ABCD3: variants seen among roughly 807,000 people sequenced by gnomAD.
ABCD3 encodes the protein ATP-binding cassette sub-family D member 3.
Under a neutral mutation model 105.5 loss-of-function variants are expected in ABCD3, and 41 were observed. That is an observed-to-expected ratio of 0.39 (90% CI 0.30 to 0.50). ABCD3 has a LOEUF of 0.50. Ranked by LOEUF, ABCD3 falls within the 20% of genes least tolerant of loss-of-function variation. ABCD3 has a pLI of 0.84. For missense variants in ABCD3, 622 were observed against 806.3 expected (o/e 0.77, Z 2.77); for synonymous variants, 258 against 269.0 (o/e 0.96, Z 0.40).
At chr1:94,449,219 G>T (rs192620807) in intron 1 of ABCD3, among the ~76,000 whole-genome samples, 1 of 152,194 alleles carries the variant, frequency 6.6e-6, no homozygotes, top group South Asian at 2.1e-4. Context: ...CGAGGACCCC[G>T]TAGTTGCAGC....
chr1:94,484,317 G>T (rs1301414176), intron 10 of ABCD3, among the ~76,000 whole-genome samples: 1 of 152,178 alleles, frequency 6.6e-6, no homozygotes, highest in East Asian at 1.9e-4. Context: ...TAATCATGCT[G>T]CTATAAAGAC....
the ABCD3 span, among the ~76,000 whole-genome samples, chr1:94,386,023 G>GTTTCTTTCTTTCTTTCTTTC: frequency 2.4e-4 from 36 of 151,522 alleles, no homozygotes; most frequent in African/African-American, 8.5e-4. Context: ...TTTAGAATCT[G>GTTTCTTTCTTTCTTTCTTTC]TTTCTTTCTT....
chr1:94,449,575 A>G (rs543656362), intron 1 of ABCD3, among the ~76,000 whole-genome samples: 3 of 152,344 alleles, frequency 2.0e-5, no homozygotes, highest in African/African-American at 7.2e-5. Flanking sequence ...TGCTCCTATA[A>G]TTGAGGCATA....
chr1:94,484,908 G>A (rs1400221296), intron 10 of ABCD3, among the ~76,000 whole-genome samples: 2 of 152,170 alleles, frequency 1.3e-5, no homozygotes, highest in Non-Finnish European at 2.9e-5. Context: ...AGATTATTAT[G>A]TAAAGCAAGA....
chr1:94,438,337 CACACACAA>C (rs1369079323), intron 1 of ABCD3, among the ~76,000 whole-genome samples: 4 of 148,422 alleles, frequency 2.7e-5, no homozygotes, highest in African/African-American at 1.0e-4. Flanking sequence ...CACACACACA[CACACACAA>C]ACTTGAAAGG....
intron 1 of ABCD3, among the ~76,000 whole-genome samples, chr1:94,452,978 T>C (rs967377841): frequency 6.6e-6 from 1 of 152,110 alleles, no homozygotes; most frequent in African/African-American, 2.4e-5. Flanking sequence ...CCTCAAGTGA[T>C]CCGCCCGCCT....
intron 1 of ABCD3, 118 bp downstream of exon 1, chr1:94,418,706 C>A: frequency 9.9e-7 from 1 of 1,010,850 alleles, no homozygotes; most frequent in South Asian, 1.4e-5. Context: ...GGAGAGAGGG[C>A]CGACCGCGAC....
intron 16 of ABCD3, among the ~76,000 whole-genome samples, chr1:94,497,988 G>T (rs1330973308): frequency 6.6e-6 from 1 of 152,054 alleles, no homozygotes; most frequent in East Asian, 1.9e-4. Flanking sequence ...CTGTGTATAC[G>T]CATGTATTTA....
At chr1:94,483,711 A>G (rs1649144831) in intron 10 of ABCD3, among the ~76,000 whole-genome samples, 1 of 152,160 alleles carries the variant, frequency 6.6e-6, no homozygotes, top group Non-Finnish European at 1.5e-5. Flanking sequence ...CCTAGGCAAT[A>G]CCATTCAGGA....
the ABCD3 span, among the ~76,000 whole-genome samples, chr1:94,390,333 C>T: frequency 2.0e-5 from 3 of 152,098 alleles, no homozygotes; most frequent in East Asian, 3.9e-4. Flanking sequence ...GACAGACTCT[C>T]GTTCTGTCAC....
chr1:94,453,937 A>C (rs1273498841), intron 1 of ABCD3, among the ~76,000 whole-genome samples: 1 of 122,096 alleles, frequency 8.2e-6, no homozygotes, highest in Admixed American at 8.4e-5. Context: ...TTGTATTATT[A>C]ATCTTTTTTT....
chr1:94,409,889 G>A, the ABCD3 span, among the ~76,000 whole-genome samples: 1 of 152,170 alleles, frequency 6.6e-6, no homozygotes, highest in Non-Finnish European at 1.5e-5. Context: ...TCATAGCTGG[G>A]TTCAAGGCAA....
In ABCD3 at chr1:94,475,285, A is replaced by C. The variant is rs112436069; in HGVS notation, c.503+45A>C. ...TATATTAAAAATATTTAAATAGAAG[A>C]GTATTTATGAAGCTGATCAATATAG... On this transcript the variant is annotated intron_variant, in intron 6 of 22. Coordinates refer to ENST00000370214, the MANE Select transcript of ABCD3 (RefSeq NM_002858.4). The C allele has an allele frequency of 2.4e-6, 3 of 1,249,384 alleles. No individual in the cohort carries two copies. The African/African-American group carries it at 4.5e-5, about 19-fold the overall frequency. 77.4% of individuals were successfully genotyped at this position (1,249,384 alleles called of 1,614,324 possible).
chr1:94,458,237 C>T (rs1208559308), intron 1 of ABCD3, among the ~76,000 whole-genome samples: 1 of 152,166 alleles, frequency 6.6e-6, no homozygotes, highest in Non-Finnish European at 1.5e-5. Flanking sequence ...TTTTCCAAGC[C>T]TCTGTTTGTG....
At chr1:94,492,021 A>G (rs1019063015) in intron 16 of ABCD3, among the ~76,000 whole-genome samples, 1 of 152,170 alleles carries the variant, frequency 6.6e-6, no homozygotes, top group Non-Finnish European at 1.5e-5. Flanking sequence ...GAAATGCTCT[A>G]TACTTTCACT....
intron 3 of ABCD3, among the ~76,000 whole-genome samples, chr1:94,465,243 T>C (rs181534233): frequency 1.3e-5 from 2 of 152,294 alleles, no homozygotes; most frequent in African/African-American, 4.8e-5. Context: ...ACACTGGGGA[T>C]TACATTTCAA....
chr1:94,450,466 C>CG (rs1660537504), intron 1 of ABCD3, among the ~76,000 whole-genome samples: 1 of 152,230 alleles, frequency 6.6e-6, no homozygotes, highest in African/African-American at 2.4e-5. Context: ...CCACCCAGGG[C>CG]GGAAAACCGC....
chr1:94,456,337 C>T (rs969649843), intron 1 of ABCD3, among the ~76,000 whole-genome samples: 19 of 122,856 alleles, frequency 1.5e-4, no homozygotes, highest in African/African-American at 5.6e-4. Flanking sequence ...TGCAGTGGCA[C>T]AATCTCAGCT....
At chr1:94,391,850 A>AC in the ABCD3 span, among the ~76,000 whole-genome samples, 2 of 152,216 alleles carry the variant, frequency 1.3e-5, no homozygotes, top group Non-Finnish European at 2.9e-5. Flanking sequence ...AAGTGAAGTT[A>AC]CAAAGTTATA....
Sources: gnomAD v4.1 joint callset for allele counts (sites outside exome capture counted in the v4.1 genomes callset) on GRCh38, gnomAD v4.1.1 for gene constraint, MANE v1.5 for transcripts, NCBI Gene and HGNC (gene_info 2026-07-23, HGNC 2026-07-21) for gene names.